Variants in TMIGD3 observed in about 807,000 individuals in gnomAD.
TMIGD3 encodes the protein AD026 protein (AD026).
A neutral mutation model predicts 28.1 loss-of-function variants in TMIGD3; 21 were observed. The ratio of observed to expected loss-of-function variants is 0.75; its 90% CI spans 0.53 to 1.08. TMIGD3 has a LOEUF of 1.08. TMIGD3 is among the 50% of genes least tolerant of loss of function. The pLI is 0.00. For synonymous variants in TMIGD3, 151 were observed against 162.1 expected, an observed-to-expected ratio of 0.93 and a Z score of 0.52; for missense variants, 416 against 435.6, an observed-to-expected ratio of 0.96 and a Z score of 0.40.
chr1:111,494,295 T>C (rs996380078), intron 1 of TMIGD3, among the ~76,000 whole-genome samples: 1 of 152,242 alleles, frequency 6.6e-6, no homozygotes, highest in Admixed American at 6.5e-5. Context: ...GATGACATGA[T>C]GCTATATCAA....
At chr1:111,558,392 G>A (rs1384139156) in intron 1 of TMIGD3, among the ~76,000 whole-genome samples, 1 of 150,572 alleles carries the variant, frequency 6.6e-6, no homozygotes, top group African/African-American at 2.4e-5. Flanking sequence ...TTGCCATGTT[G>A]CCCAAGCTGG....
chr1:111,525,865 A>G (rs1365642673), intron 1 of TMIGD3, among the ~76,000 whole-genome samples: 2 of 152,348 alleles, frequency 1.3e-5, no homozygotes, highest in East Asian at 3.9e-4. Context: ...CTCTGTCTCA[A>G]AACAAATAAA....
At chr1:111,524,034 T>C (rs1165113021) in intron 1 of TMIGD3, among the ~76,000 whole-genome samples, 23 of 112,246 alleles carry the variant, frequency 2.0e-4, no homozygotes, top group Admixed American at 1.4e-3. Flanking sequence ...TTTTCTTTTT[T>C]TTTTTTTTTT....
intron 1 of TMIGD3, among the ~76,000 whole-genome samples, chr1:111,510,311 T>A (rs1343881439): frequency 6.6e-6 from 1 of 152,128 alleles, no homozygotes; most frequent in Non-Finnish European, 1.5e-5. Flanking sequence ...ATGACCTTAG[T>A]CCCTCTGCTT....
Position 111,483,625 on chromosome 1 carries a change from G to A in TMIGD3, c.*62C>T, listed in dbSNP as rs1654221742. 3.0e-6 allele frequency: 4 copies of A among 1,342,430 alleles called. No homozygotes were observed. Among genetic ancestry groups the A allele is most frequent in the East Asian group, 4.8e-5 (2 of 42,012 alleles). 83.2% of individuals were successfully genotyped at this position (1,342,430 alleles called of 1,614,324 possible). A position where few individuals can be genotyped will look rare whatever the true frequency, so the allele number is the denominator to read the frequency against. On this transcript the variant is annotated 3_prime_UTR_variant, in exon 6 of 6. Coordinates refer to ENST00000369716, the MANE Select transcript of TMIGD3 (RefSeq NM_020683.7). The stretch of plus-strand genomic sequence containing the variant: ...GAATCAGTCTCTGAGGTGTGGGCCA[G>A]TTGTCATGGTGATTATTCTGTTGTA...
intron 1 of TMIGD3, among the ~76,000 whole-genome samples, chr1:111,549,421 G>T (rs1327906644): frequency 6.6e-6 from 1 of 151,368 alleles, no homozygotes; most frequent in African/African-American, 2.4e-5. Flanking sequence ...GGCTGAGGCA[G>T]GTGGATCACC....
chr1:111,562,171 A>C (rs1657767512), intron 1 of TMIGD3, among the ~76,000 whole-genome samples: 1 of 152,020 alleles, frequency 6.6e-6, no homozygotes, highest in South Asian at 2.1e-4. Flanking sequence ...AATCTTAGCT[A>C]TTCTTCAGAT....
At chr1:111,496,325 T>G (rs1012957013) in intron 1 of TMIGD3, among the ~76,000 whole-genome samples, 2 of 152,288 alleles carry the variant, frequency 1.3e-5, no homozygotes, top group Admixed American at 1.3e-4. Flanking sequence ...CCACTTCTAG[T>G]TACCCTGCCT....
intron 1 of TMIGD3, among the ~76,000 whole-genome samples, chr1:111,540,257 C>T (rs565190732): frequency 6.6e-6 from 1 of 152,232 alleles, no homozygotes; most frequent in African/African-American, 2.4e-5. Context: ...GAAGCAGCAC[C>T]CAGAATGTTT....
At chr1:111,562,268 G>A (rs1657771579) in intron 1 of TMIGD3, among the ~76,000 whole-genome samples, 1 of 151,980 alleles carries the variant, frequency 6.6e-6, no homozygotes, top group African/African-American at 2.4e-5. Context: ...ATAACCCTTA[G>A]AACAGCACTT....
chr1:111,485,421 G>A (rs998454373), intron 5 of TMIGD3: 6 of 269,138 alleles, frequency 2.2e-5, no homozygotes, highest in African/African-American at 1.3e-4. Flanking sequence ...TCATTCCTTC[G>A]ACAGGAGCCC....
At chr1:111,529,517 C>G (rs1168298313) in intron 1 of TMIGD3, among the ~76,000 whole-genome samples, 1 of 149,204 alleles carries the variant, frequency 6.7e-6, no homozygotes, top group Admixed American at 6.7e-5. Flanking sequence ...ACCCTGCGGC[C>G]TTCCGCAGTG....
chr1:111,558,889 T>G (rs1657621557), intron 1 of TMIGD3, among the ~76,000 whole-genome samples: 1 of 152,166 alleles, frequency 6.6e-6, no homozygotes, highest in South Asian at 2.1e-4. Flanking sequence ...CACCATAAGT[T>G]TGATCCAACT....
upstream of TMIGD3, among the ~76,000 whole-genome samples, chr1:111,508,061 C>G (rs1655571790): frequency 6.6e-6 from 1 of 152,222 alleles, no homozygotes; most frequent in Non-Finnish European, 1.5e-5. Flanking sequence ...AGGAGTTTCA[C>G]TCCATGCCAG....
intron 1 of TMIGD3, among the ~76,000 whole-genome samples, chr1:111,540,501 T>G (rs1656785936): frequency 6.6e-6 from 1 of 152,192 alleles, no homozygotes; most frequent in Admixed American, 6.5e-5. Context: ...TCATCAAAGT[T>G]AGAGGTAAGA....
chr1:111,562,625 T>A (rs925400508), intron 1 of TMIGD3, among the ~76,000 whole-genome samples: 24 of 152,196 alleles, frequency 1.6e-4, no homozygotes, highest in Admixed American at 1.6e-3. Flanking sequence ...GGACTAAAAT[T>A]GCCAATATTC....
At chr1:111,495,354 G>A (rs1165075599) in intron 1 of TMIGD3, among the ~76,000 whole-genome samples, 2 of 152,148 alleles carry the variant, frequency 1.3e-5, no homozygotes, top group African/African-American at 4.8e-5. Flanking sequence ...CAAACAGCAT[G>A]TGAAGAAAAG....
At chr1:111,554,260 C>T (rs1007529060) in intron 1 of TMIGD3, among the ~76,000 whole-genome samples, 26 of 152,314 alleles carry the variant, frequency 1.7e-4, no homozygotes, top group African/African-American at 5.8e-4. Flanking sequence ...GAGTTTAGAA[C>T]TGTAAGAACC....
At position 111,561,994 on chromosome 1, in the gene TMIGD3, G is replaced by T. The variant is rs552389382; in HGVS notation, c.107+1852C>A. On this transcript the variant is annotated intron_variant, in intron 1 of 5. Transcript: ENST00000369717. ...CTAGTTTAAATTTCTGCTTACGATA[G>T]AATTCAAACCCTCCACACTCTGAAC... 5.3e-5 allele frequency among the ~76,000 whole-genome samples: 8 copies of T among 152,130 alleles called. No individual in the cohort carries two copies. The South Asian group carries it at 1.7e-3, about 32-fold the overall frequency.
Sources: gnomAD v4.1 joint callset for allele counts (sites outside exome capture counted in the v4.1 genomes callset) on GRCh38, gnomAD v4.1.1 for gene constraint, MANE v1.5 for transcripts, NCBI Gene and HGNC (gene_info 2026-07-23, HGNC 2026-07-21) for gene names.